TMEM144: variants seen among roughly 807,000 people sequenced by gnomAD.
The protein encoded by TMEM144 is transmembrane protein 144.
In TMEM144, 39 loss-of-function variants were observed where a neutral mutation model predicts 43.6. That is an observed-to-expected ratio of 0.90 (90% CI 0.69 to 1.17). TMEM144 has a LOEUF of 1.17. Ranked by LOEUF, TMEM144 falls within the 50% of genes most tolerant of loss-of-function variation. The probability of loss-of-function intolerance (pLI) is 0.00; values close to 1 mark genes in which losing one functional copy is unlikely to be tolerated. For missense variants in TMEM144, 417 were observed against 411.9 expected (o/e 1.01, Z -0.11); for synonymous variants, 154 against 133.6 (o/e 1.15, Z -1.06).
rs1733908450 is a variant in TMEM144 at position 158,210,586 on chromosome 4, A to C, written c.-183A>C. ...AGCTTCAGCCGCCAGCCCGGAACGCAGTGAGTACAGCCACTCAAAGGAAAG... is the reference window on the plus strand; with the variant it reads ...AGCTTCAGCCGCCAGCCCGGAACGCCGTGAGTACAGCCACTCAAAGGAAAG... On this transcript the variant is annotated splice_region_variant and 5_prime_UTR_variant, in exon 1 of 13. Coordinates refer to ENST00000296529, the MANE Select transcript of TMEM144 (RefSeq NM_018342.5). 1 of 152,304 alleles carries C rather than the reference A, an allele frequency of 6.6e-6. No homozygotes were observed. Among genetic ancestry groups the C allele is most frequent in the African/African-American group, 2.4e-5 (1 of 41,488 alleles). 9.4% of individuals were successfully genotyped at this position (152,304 alleles called of 1,614,324 possible).
chr4:158,247,926 A>G (rs1409926344), intron 12 of TMEM144, among the ~76,000 whole-genome samples: 6 of 151,560 alleles, frequency 4.0e-5, no homozygotes, highest in African/African-American at 7.3e-5. Flanking sequence ...AATAGGCAAA[A>G]AAAAAAAAAA....
At chr4:158,212,516 G>A (rs920205754) in intron 2 of TMEM144, 92 bp from the exon 3 acceptor site, 17 of 552,154 alleles carry the variant, frequency 3.1e-5, no homozygotes, top group East Asian at 1.8e-4. Context: ...GAGTCTTAGC[G>A]TGCTTTTGAA....
intron 6 of TMEM144, among the ~76,000 whole-genome samples, chr4:158,220,534 C>G (rs1734458964): frequency 6.6e-6 from 1 of 152,226 alleles, no homozygotes; most frequent in Non-Finnish European, 1.5e-5. Context: ...TGTTCTACCA[C>G]TTCCACCTAT....
At chr4:158,253,355 G>A (rs1301872066) in intron 12 of TMEM144, 89 bp from the exon 13 acceptor site, 4 of 1,145,280 alleles carry the variant, frequency 3.5e-6, no homozygotes, top group Non-Finnish European at 5.1e-6. Context: ...AGAGCAGATG[G>A]TTAGGTCCCT....
chr4:158,213,587 A>G (rs760746584), intron 3 of TMEM144: 2 of 152,204 alleles, frequency 1.3e-5, no homozygotes, highest in African/African-American at 4.8e-5. Context: ...CACATGTTAC[A>G]TTATAGCAGA....
chr4:158,224,873 T>C (rs1324496272), intron 6 of TMEM144, among the ~76,000 whole-genome samples: 1 of 152,108 alleles, frequency 6.6e-6, no homozygotes, highest in Admixed American at 6.5e-5. Context: ...TGTTTAAGGG[T>C]GGTCTCAGAG....
At chr4:158,231,595 T>C (rs1052440019) in intron 6 of TMEM144, among the ~76,000 whole-genome samples, 2 of 151,676 alleles carry the variant, frequency 1.3e-5, no homozygotes, top group African/African-American at 4.8e-5. Flanking sequence ...CAAGGGGAAG[T>C]TTTTTTTTAA....
At chr4:158,211,613 C>G (rs998565890) in intron 2 of TMEM144, 39 bp downstream of exon 2, 1 of 152,188 alleles carries the variant, frequency 6.6e-6, no homozygotes, top group African/African-American at 2.4e-5. Context: ...TTGAGCCTAA[C>G]AGTAGAATAA....
intron 2 of TMEM144, chr4:158,212,138 T>C (rs541340795): frequency 6.6e-6 from 1 of 152,406 alleles, no homozygotes; most frequent in South Asian, 2.1e-4. Context: ...CCTCCTGTGA[T>C]AAAATTACTT....
At chr4:158,211,203 A>G (rs1299427486) in intron 1 of TMEM144, 1 of 152,218 alleles carries the variant, frequency 6.6e-6, no homozygotes, top group African/African-American at 2.4e-5. Context: ...ATAGGTAATA[A>G]CTGATTGATG....
rs765351222 is a variant in TMEM144 at position 158,237,424 on chromosome 4, T to A, written c.564-101T>A. ...GAGATAAATGGATGGTTTTTGCTTG[T>A]TTGTGATTTGCCTTTTGAAGCATGT... On this transcript the variant is annotated intron_variant, in intron 8 of 12. Transcript: ENST00000296529. 8 of 893,510 alleles carry A rather than the reference T, an allele frequency of 9.0e-6. No homozygotes were observed. The Admixed American group carries it at 1.7e-4, about 19-fold the overall frequency. The allele number at this position is 893,510 out of a possible 1,614,324, so 55.3% of individuals were successfully genotyped here.
chr4:158,217,890 T>A (rs773487646), intron 5 of TMEM144, among the ~76,000 whole-genome samples: 1 of 152,234 alleles, frequency 6.6e-6, no homozygotes, highest in Non-Finnish European at 1.5e-5. Flanking sequence ...AGAGCAGGGT[T>A]GGCAAAGCAC....
rs1734036761 is a variant in TMEM144, at chr4:158,212,978, G to A, written c.109+202G>A. The A allele has an allele frequency of 8.3e-6, 5 of 601,202 alleles. 1 individual carries two copies. The highest frequency in any genetic ancestry group is 4.1e-5 in the South Asian group (2 of 48,362). The allele number at this position is 601,202 out of a possible 1,614,324, so 37.2% of individuals were successfully genotyped here. The stretch of plus-strand genomic sequence containing the variant: ...GGAGAACCATTAAGGTTGTTTCATG[G>A]TAAAGTTAGGGAGGGTACAGTCAGG... On this transcript the variant is annotated intron_variant, in intron 3 of 12. Transcript: ENST00000296529.
chr4:158,241,650 T>A, intron 11 of TMEM144, 44 bp downstream of exon 11: 1 of 1,546,140 alleles, frequency 6.5e-7, no homozygotes, highest in Non-Finnish European at 8.9e-7. Context: ...TTTATAAATG[T>A]AAACCCAATT....
chr4:158,243,572 TAAG>T (rs1735728900), intron 11 of TMEM144, among the ~76,000 whole-genome samples: 1 of 152,330 alleles, frequency 6.6e-6, no homozygotes, highest in East Asian at 1.9e-4. Context: ...CCTTCTCAGC[TAAG>T]AAGAATTACC....
intron 4 of TMEM144, 37 bp from the exon 5 acceptor site, chr4:158,217,284 G>T (rs1191636591): frequency 2.2e-6 from 3 of 1,350,968 alleles, no homozygotes; most frequent in African/African-American, 1.5e-5. Flanking sequence ...TTTTCTATAT[G>T]GAAATAACAT....
Position 158,250,095 on chromosome 4 carries a change from G to T in TMEM144, c.955-3349G>T, listed in dbSNP as rs113067875. Among the ~76,000 whole-genome samples, 843 of 150,948 alleles carry T rather than the reference G, an allele frequency of 5.6e-3. 11 individuals are homozygous for T. Among genetic ancestry groups the T allele is most frequent in the African/African-American group, 0.02 (808 of 41,130 alleles). On this transcript the variant is annotated intron_variant, in intron 12 of 12. Transcript: ENST00000296529. ...ACCTATCTCTGGTCATCAAACAGAGGCAAATTTATCTACTCTGATTCTTTA... is the reference window on the plus strand; with the variant it reads ...ACCTATCTCTGGTCATCAAACAGAGTCAAATTTATCTACTCTGATTCTTTA...
At chr4:158,236,326 G>T (rs1225955954) in intron 8 of TMEM144, among the ~76,000 whole-genome samples, 1 of 152,064 alleles carries the variant, frequency 6.6e-6, no homozygotes, top group African/African-American at 2.4e-5. Context: ...TATGTTGCTG[G>T]TTTTGCGTCA....
chr4:158,217,510 C>A, intron 5 of TMEM144, 90 bp downstream of exon 5: 1 of 914,206 alleles, frequency 1.1e-6, no homozygotes, highest in East Asian at 2.5e-5. Flanking sequence ...ACATATGATT[C>A]TTATTCTCAC....
Sources: allele counts gnomAD v4.1 joint callset (sites outside exome capture counted in the v4.1 genomes callset), GRCh38; gene constraint gnomAD v4.1.1; transcripts MANE v1.5; gene names NCBI Gene and HGNC (gene_info 2026-07-23, HGNC 2026-07-21).